BTD: variants seen among roughly 807,000 people sequenced by gnomAD.
BTD encodes the protein biocytinase.
BTD carries 13 observed loss-of-function variants against 17.7 expected under a neutral mutation model. The ratio of observed to expected loss-of-function variants is 0.74; its 90% CI spans 0.48 to 1.17. The LOEUF (loss-of-function observed/expected upper bound fraction) is 1.17. Ranked by LOEUF, BTD falls within the 50% of genes most tolerant of loss-of-function variation. BTD has a pLI of 0.00. For missense variants in BTD, 674 were observed against 650.4 expected, an observed-to-expected ratio of 1.04 and a Z score of -0.39; for synonymous variants, 240 against 245.2, an observed-to-expected ratio of 0.98 and a Z score of 0.20.
Position 15,601,890 on chromosome 3 carries a change from A to T in BTD, c.-21A>T. ...TATTCAGGGCGGAAGGCGCGCTAAG[A>T]GCAGGTACGGAGGGGGCGTGGTGCG... On this transcript the variant is annotated 5_prime_UTR_variant, in exon 1 of 4. Transcript: ENST00000643237. 6.2e-7 allele frequency: 1 copy of T among 1,613,866 alleles called. No homozygotes were observed. The highest frequency in any genetic ancestry group is 1.3e-5 in the African/African-American group (1 of 74,998).
intron 4 of BTD, among the ~76,000 whole-genome samples, chr3:15,720,520 T>C (rs760339585): frequency 2.0e-5 from 3 of 152,222 alleles, no homozygotes; most frequent in Non-Finnish European, 4.4e-5. Context: ...TTATATGCTA[T>C]GAAAGCATAC....
At position 15,645,187 on chromosome 3, in the gene BTD, A is replaced by G. The variant is rs2065662435; in HGVS notation, c.1271A>G (p.Asp424Gly). Residue 424 changes from aspartate (D) to glycine (G), a missense_variant, in exon 4 of 4, where the codon GAT (aspartate) becomes GGT (glycine). Transcript: ENST00000643237. The part of the protein sequence containing the change: ...SKELYALGVF[D>G]GLHTVHGTYY... ...GAGCTGTATGCCCTGGGGGTCTTTG[A>G]TGGGCTTCACACAGTACATGGCACT... 6.2e-7 allele frequency: 1 copy of G among 1,614,086 alleles called. No individual in the cohort carries two copies. The highest frequency in any genetic ancestry group is 1.3e-5 in the African/African-American group (1 of 75,000).
chr3:15,630,890 G>A (rs533610750), intron 1 of BTD, among the ~76,000 whole-genome samples: 7 of 152,270 alleles, frequency 4.6e-5, no homozygotes. Context: ...GAACCATTGT[G>A]GAGCTTCTTG....
intron 3 of BTD, among the ~76,000 whole-genome samples, chr3:15,696,851 T>C (rs904192872): frequency 5.3e-5 from 8 of 152,104 alleles, no homozygotes; most frequent in Non-Finnish European, 1.0e-4. Flanking sequence ...AAACACTATA[T>C]GTAAAACCAC....
At chr3:15,704,650 T>A (rs2071107203) in intron 3 of BTD, among the ~76,000 whole-genome samples, 1 of 152,188 alleles carries the variant, frequency 6.6e-6, no homozygotes, top group Non-Finnish European at 1.5e-5. Flanking sequence ...TTACTCAAGC[T>A]ATTCCTGGGA....
intron 3 of BTD, among the ~76,000 whole-genome samples, chr3:15,701,978 A>T (rs932982686): frequency 1.3e-5 from 2 of 152,058 alleles, no homozygotes; most frequent in Non-Finnish European, 2.9e-5. Flanking sequence ...GATGTTAGTG[A>T]TAAAACAGAA....
At chr3:15,628,750 A>G (rs573503737) in intron 1 of BTD, among the ~76,000 whole-genome samples, 146 of 152,304 alleles carry the variant, frequency 9.6e-4, no homozygotes, top group African/African-American at 3.4e-3. Context: ...TCTCCAATCA[A>G]TAGTTTAAGA....
chr3:15,661,265 C>CAAAAAAAAAA (rs56165902), intron 3 of BTD, among the ~76,000 whole-genome samples: 2 of 93,778 alleles, frequency 2.1e-5, no homozygotes, highest in African/African-American at 5.0e-5. Flanking sequence ...GACTCTGTCT[C>CAAAAAAAAAA]AAAAAAAAAA....
intron 1 of BTD, among the ~76,000 whole-genome samples, chr3:15,605,262 C>T (rs2064412175): frequency 6.6e-6 from 1 of 152,200 alleles, no homozygotes; most frequent in Admixed American, 6.5e-5. Flanking sequence ...GGAGCAAAGG[C>T]ACGTCTTACA....
intron 2 of BTD, among the ~76,000 whole-genome samples, chr3:15,637,074 G>A (rs781075617): frequency 8.5e-5 from 13 of 152,158 alleles, no homozygotes; most frequent in Non-Finnish European, 1.3e-4. Flanking sequence ...GCTAAAGGGA[G>A]CAGGACCGTG....
At chr3:15,718,818 T>C (rs1323307209) in intron 4 of BTD, among the ~76,000 whole-genome samples, 1 of 152,244 alleles carries the variant, frequency 6.6e-6, no homozygotes. Flanking sequence ...TTGTGACGTT[T>C]GCTTTTGAAA....
In BTD at chr3:15,680,020, G is replaced by A. The variant is rs1381390803; in HGVS notation, c.400-30040G>A. On this transcript the variant is annotated intron_variant, in intron 3 of 3. Transcript: ENST00000672141. The stretch of plus-strand genomic sequence containing the variant: ...GCAAATACTATCCCATTTTCTATAA[G>A]GGACTTGAGCGCCTGTTGGTTTTGG... Among the ~76,000 whole-genome samples, 4 of 152,032 alleles carry A rather than the reference G, an allele frequency of 2.6e-5. No homozygotes were observed. The East Asian group carries it at 7.7e-4, about 29-fold the overall frequency.
intron 3 of BTD, chr3:15,695,072 T>C: frequency 6.8e-6 from 6 of 876,426 alleles, no homozygotes; most frequent in Non-Finnish European, 1.1e-5. Context: ...TGTCACCGTC[T>C]TTGTGCCTAA....
At chr3:15,602,755 G>A (rs1247942857) in intron 1 of BTD, among the ~76,000 whole-genome samples, 1 of 151,994 alleles carries the variant, frequency 6.6e-6, no homozygotes, top group Non-Finnish European at 1.5e-5. Flanking sequence ...TTTTCAAAAG[G>A]TCTTCCCCTC....
chr3:15,635,539 GA>G lies in BTD; in HGVS notation c.101del (p.Glu34GlyfsTer16), dbSNP rs2065323986. The stretch of plus-strand genomic sequence containing the variant: ...GGAGGAGAGCGTGGCTGACCATCAC[GA>G]GGCTGAATATTATGTGGCTGCCGTG... Reference protein sequence around the residue: ...TGEESVADHHEAEYYVAAVYE... With the variant: ...TGEESVADHHXAEYYVAAVYE... On this transcript the variant is annotated frameshift_variant, in exon 2 of 4. Transcript: ENST00000643237. LOFTEE classifies it high-confidence loss of function. The surrounding 1 kb of genome is among the most constrained non-coding windows in gnomAD (Gnocchi z 4.1). The G allele has an allele frequency of 6.2e-7, 1 of 1,614,032 alleles. No homozygotes were observed. Among genetic ancestry groups the G allele is most frequent in the Non-Finnish European group, 8.5e-7 (1 of 1,180,034 alleles).
At chr3:15,625,911 T>C (rs1254070408) in intron 1 of BTD, among the ~76,000 whole-genome samples, 2 of 152,268 alleles carry the variant, frequency 1.3e-5, no homozygotes, top group African/African-American at 4.8e-5. Flanking sequence ...TGTTTGTTTA[T>C]GATTTATTTT....
chr3:15,642,199 G>A, intron 3 of BTD, 142 bp downstream of exon 3: 2 of 1,513,732 alleles, frequency 1.3e-6, no homozygotes, highest in South Asian at 1.2e-5. Flanking sequence ...AAAGATCCAT[G>A]TGCCACATGT....
intron 3 of BTD, among the ~76,000 whole-genome samples, chr3:15,661,265 C>CAAAAA (rs56165902): frequency 1.1e-3 from 103 of 93,718 alleles, no homozygotes; most frequent in African/African-American, 4.2e-3. Flanking sequence ...GACTCTGTCT[C>CAAAAA]AAAAAAAAAA....
chr3:15,606,438 C>A (rs1299433461), intron 1 of BTD: 1 of 152,192 alleles, frequency 6.6e-6, no homozygotes, highest in Non-Finnish European at 1.5e-5. Context: ...TTTGGATTGA[C>A]AGGTTCAAGA....
Sources: allele counts gnomAD v4.1 joint callset (sites outside exome capture counted in the v4.1 genomes callset), GRCh38; gene constraint gnomAD v4.1.1; non-coding constraint Gnocchi (gnomAD v3.1); transcripts MANE v1.5; gene names NCBI Gene and HGNC (gene_info 2026-07-23, HGNC 2026-07-21).